The following AP3B1 variants were observed in gnomAD, a reference collection of about 807,000 sequenced individuals.
AP3B1 encodes the protein adaptor related protein complex 3 subunit beta 1, also known as AP-3 complex subunit beta-1.
AP3B1 carries 61 observed loss-of-function variants against 132.5 expected under a neutral mutation model. The observed-to-expected ratio is 0.46, with a 90% confidence interval of 0.37 to 0.57. The LOEUF is 0.57. AP3B1 is among the 20% of genes least tolerant of loss of function. The pLI is 0.00. For synonymous variants in AP3B1, 388 were observed against 438.3 expected (o/e 0.89, Z 1.43); for missense variants, 1,120 against 1,289.4 (o/e 0.87, Z 2.01).
At chr5:78,131,070 T>C (rs74377669) in intron 15 of AP3B1, among the ~76,000 whole-genome samples, 1,618 of 151,966 alleles carry the variant, frequency 0.011, 34 homozygotes, top group African/African-American at 0.037. Context: ...TTTATTAAAA[T>C]GTATTTTCAA....
At chr5:78,106,560 G>A (rs565393281) in intron 20 of AP3B1, among the ~76,000 whole-genome samples, 1 of 152,328 alleles carries the variant, frequency 6.6e-6, no homozygotes, top group South Asian at 2.1e-4. Flanking sequence ...TCAAATGGCA[G>A]TGGGCCATCA....
chr5:78,214,826 T>G (rs900197500), intron 7 of AP3B1, among the ~76,000 whole-genome samples: 1 of 152,134 alleles, frequency 6.6e-6, no homozygotes, highest in African/African-American at 2.4e-5. Context: ...GATAGTAAAA[T>G]TTCATCAATT....
intron 7 of AP3B1, among the ~76,000 whole-genome samples, chr5:78,188,786 A>G (rs1219081032): frequency 6.6e-6 from 1 of 152,202 alleles, no homozygotes; most frequent in African/African-American, 2.4e-5. Context: ...GCAAATGTTC[A>G]CTGCAGCACT....
At chr5:78,022,198 A>G (rs1196136633) in intron 24 of AP3B1, among the ~76,000 whole-genome samples, 1 of 152,238 alleles carries the variant, frequency 6.6e-6, no homozygotes, top group Non-Finnish European at 1.5e-5. Context: ...AACACTGAAT[A>G]CAACCTTGAT....
intron 13 of AP3B1, among the ~76,000 whole-genome samples, chr5:78,161,135 G>A (rs1743371263): frequency 6.6e-6 from 1 of 151,788 alleles, no homozygotes; most frequent in African/African-American, 2.4e-5. Flanking sequence ...TTTTCTAATT[G>A]TAAAACAATC....
intron 22 of AP3B1, among the ~76,000 whole-genome samples, chr5:78,071,326 C>T (rs1357683839): frequency 2.0e-5 from 3 of 152,158 alleles, no homozygotes; most frequent in Admixed American, 6.5e-5. Context: ...CCAAACACCG[C>T]ATGTTCTCAC....
intron 17 of AP3B1, among the ~76,000 whole-genome samples, chr5:78,125,305 G>A (rs926885833): frequency 5.3e-5 from 8 of 152,006 alleles, no homozygotes; most frequent in African/African-American, 1.9e-4. Flanking sequence ...AATTCAAAGT[G>A]ACTTCTACTG....
At chr5:78,155,755 G>A (rs1178727942) in intron 14 of AP3B1, among the ~76,000 whole-genome samples, 1 of 151,750 alleles carries the variant, frequency 6.6e-6, no homozygotes, top group East Asian at 1.9e-4. Flanking sequence ...TTTTTTTAAG[G>A]GGTGATGAAA....
intron 21 of AP3B1, among the ~76,000 whole-genome samples, chr5:78,094,936 C>T (rs1427320047): frequency 6.6e-6 from 1 of 152,180 alleles, no homozygotes; most frequent in Admixed American, 6.5e-5. Context: ...CCGCCTCGGC[C>T]TCCCAAAGTG....
chr5:78,096,066 A>G (rs567360516), intron 21 of AP3B1, among the ~76,000 whole-genome samples: 10 of 152,092 alleles, frequency 6.6e-5, no homozygotes, highest in Non-Finnish European at 1.2e-4. Context: ...GCCGAGCTGA[A>G]GCTGGACTGT....
chr5:78,121,564 C>T (rs1039290183), intron 17 of AP3B1, among the ~76,000 whole-genome samples: 7 of 152,234 alleles, frequency 4.6e-5, no homozygotes, highest in African/African-American at 1.4e-4. Context: ...ACACTACAAA[C>T]ATCTCTACGC....
At chr5:78,255,748 T>C (rs1207817588) in intron 2 of AP3B1, among the ~76,000 whole-genome samples, 1 of 152,110 alleles carries the variant, frequency 6.6e-6, no homozygotes. Context: ...ATGAATCTAA[T>C]ACATATTTAC....
chr5:78,097,655 G>T (rs1442455473), intron 21 of AP3B1, among the ~76,000 whole-genome samples: 2 of 89,728 alleles, frequency 2.2e-5, no homozygotes, highest in Non-Finnish European at 2.9e-5. Flanking sequence ...GGAGGGAGGT[G>T]GGGGGGTCAG....
chr5:78,193,267 G>A (rs986236712), intron 7 of AP3B1, among the ~76,000 whole-genome samples: 17 of 152,132 alleles, frequency 1.1e-4, no homozygotes, highest in Admixed American at 3.3e-4. Flanking sequence ...AGTAAGTTAA[G>A]TAGAGGAATC....
chr5:78,289,145 A>T (rs1749404818), intron 1 of AP3B1, among the ~76,000 whole-genome samples: 1 of 152,192 alleles, frequency 6.6e-6, no homozygotes, highest in African/African-American at 2.4e-5. Flanking sequence ...AAGTAAATGA[A>T]TCTCACTCAG....
At chr5:78,139,038 GAA>G (rs11288219) in intron 15 of AP3B1, among the ~76,000 whole-genome samples, 137 of 93,278 alleles carry the variant, frequency 1.5e-3, no homozygotes, top group African/African-American at 4.9e-3. Flanking sequence ...TAGAGATCAA[GAA>G]AAAAAAAAAA....
chr5:78,278,109 T>C (rs1212603199), intron 1 of AP3B1, among the ~76,000 whole-genome samples: 2 of 152,180 alleles, frequency 1.3e-5, no homozygotes, highest in Non-Finnish European at 2.9e-5. Context: ...TAATCTTCTA[T>C]ACAAAGTGGC....
intron 21 of AP3B1, among the ~76,000 whole-genome samples, chr5:78,092,105 A>T (rs1750542275): frequency 6.6e-6 from 1 of 152,232 alleles, no homozygotes; most frequent in Non-Finnish European, 1.5e-5. Flanking sequence ...ATGCATGTTT[A>T]TTCATTCCTT....
chr5:78,168,646 C>T (rs1295048867), intron 11 of AP3B1, among the ~76,000 whole-genome samples: 2 of 152,112 alleles, frequency 1.3e-5, no homozygotes, highest in African/African-American at 4.8e-5. Context: ...CTACATTATC[C>T]CCAAAAACTT....
Sources: gnomAD v4.1 joint callset for allele counts (sites outside exome capture counted in the v4.1 genomes callset) on GRCh38, gnomAD v4.1.1 for gene constraint, MANE v1.5 for transcripts, NCBI Gene and HGNC (gene_info 2026-07-23, HGNC 2026-07-21) for gene names.